Variants in CLIC2 observed in about 807,000 individuals in gnomAD.
CLIC2 encodes CLIC family member 2.
In CLIC2, 9 loss-of-function variants were observed where a neutral mutation model predicts 14.8. The observed-to-expected ratio is 0.61, with a 90% confidence interval of 0.37 to 1.06. CLIC2 has a LOEUF of 1.06. Ranked by LOEUF, CLIC2 falls within the 50% of genes least tolerant of loss-of-function variation. The pLI, the probability that CLIC2 is intolerant of heterozygous loss-of-function variation, is 0.01. For synonymous variants in CLIC2, 61 were observed against 66.3 expected, an observed-to-expected ratio of 0.92 and a Z score of 0.39; for missense variants, 148 against 181.4, an observed-to-expected ratio of 0.82 and a Z score of 1.06.
Position 155,334,523 on chromosome X carries a change from T to C in CLIC2, c.-96A>G. The C allele has an allele frequency of 2.7e-6, 2 of 754,606 alleles. No homozygotes were observed. The highest frequency in any genetic ancestry group is 4.2e-6 in the Non-Finnish European group (2 of 481,800). The allele number at this position is 754,606 out of a possible 1,213,427, so 62.2% of individuals were successfully genotyped here. A position where few individuals can be genotyped will look rare whatever the true frequency, so the allele number is the denominator to read the frequency against. On this transcript the variant is annotated 5_prime_UTR_variant, in exon 1 of 6. Coordinates refer to ENST00000369449, the MANE Select transcript of CLIC2 (RefSeq NM_001289.6). ...CAATTTTATCCAAAGACTCAAGTAA[T>C]GTTGGTGCTTTAAGAAGACCGTCTA...
intron 3 of CLIC2, among the ~76,000 whole-genome samples, chrX:155,296,824 C>A (rs2074993811): frequency 9.0e-6 from 1 of 110,881 alleles, no homozygotes; most frequent in African/African-American, 3.3e-5. Context: ...CAGACGTTGG[C>A]AAGGATGTGG....
chrX:155,279,411 T>G lies in CLIC2; in HGVS notation c.401-81A>C, dbSNP rs1462362115. 21 of 727,738 alleles carry G rather than the reference T, an allele frequency of 2.9e-5. 1 individual carries two copies. In the African/African-American group the frequency reaches 4.4e-4, roughly 15 times the overall value. 60.0% of individuals were successfully genotyped at this position (727,738 alleles called of 1,213,427 possible). A position where few individuals can be genotyped will look rare whatever the true frequency, so the allele number is the denominator to read the frequency against. On this transcript the variant is annotated intron_variant, in intron 4 of 5. Coordinates refer to ENST00000369449, the MANE Select transcript of CLIC2 (RefSeq NM_001289.6). ...CATTCTAAATATGCTTTCCACACAT[T>G]TAGACACCTCTATCTATACATACTA... is the stretch of plus-strand genomic sequence containing the variant.
chrX:155,305,299 G>A (rs962827034), intron 1 of CLIC2, among the ~76,000 whole-genome samples: 8 of 112,247 alleles, frequency 7.1e-5, no homozygotes, highest in African/African-American at 2.3e-4. Context: ...TAAGCCCGCC[G>A]GAAAAGCGCA....
chrX:155,304,769 C>T (rs1343401742), intron 1 of CLIC2, among the ~76,000 whole-genome samples: 3 of 76,168 alleles, frequency 3.9e-5, no homozygotes, highest in African/African-American at 1.1e-4. Flanking sequence ...GTGTGGATGT[C>T]ATTTCTGTTT....
intron 1 of CLIC2, among the ~76,000 whole-genome samples, chrX:155,327,976 A>G (rs1398347168): frequency 9.0e-6 from 1 of 111,033 alleles, no homozygotes; most frequent in Non-Finnish European, 1.9e-5. Context: ...ATGACAAAAA[A>G]CCCTCAAAAA....
chrX:155,292,768 T>TTA, intron 3 of CLIC2: 1 of 408,908 alleles, frequency 2.4e-6, no homozygotes, highest in Non-Finnish European at 4.1e-6. Flanking sequence ...AGACTCCGTC[T>TTA]CAAAACAAAC....
chrX:155,280,649 C>T (rs782524011), intron 3 of CLIC2, among the ~76,000 whole-genome samples: 3 of 110,435 alleles, frequency 2.7e-5, no homozygotes, highest in South Asian at 3.8e-4. Context: ...GCTGAGATTG[C>T]GCCATTGCAC....
chrX:155,290,985 A>AATG (rs1433272002), intron 3 of CLIC2: 23 of 709,684 alleles, frequency 3.2e-5, no homozygotes, highest in Admixed American at 6.7e-5. Context: ...ATATCCATGT[A>AATG]ATGATACATC....
rs1256717907 is a variant in CLIC2 at position 155,276,482 on chromosome X, A to G, written c.*1421T>C. The G allele has an allele frequency of 5.4e-5, 6 of 111,779 alleles. No individual in the cohort carries two copies. The highest frequency in any genetic ancestry group is 9.4e-5 in the Non-Finnish European group (5 of 53,078). The allele number at this position is 111,779 out of a possible 1,213,427, so 9.2% of individuals were successfully genotyped here. On this transcript the variant is annotated 3_prime_UTR_variant, in exon 6 of 6. Transcript: ENST00000369449. Reference sequence around the variant, plus strand: ...CCAAAATTTATTCTTCCTAGGTGTAACTTTATACCCATTGACCAACATCTT... The same window carrying G: ...CCAAAATTTATTCTTCCTAGGTGTAGCTTTATACCCATTGACCAACATCTT...
At chrX:155,310,470 T>C in intron 1 of CLIC2, 1 of 269,892 alleles carries the variant, frequency 3.7e-6, no homozygotes, top group Non-Finnish European at 7.4e-6. Flanking sequence ...GCATTTGCAT[T>C]TTTCTCACCT....
intron 3 of CLIC2, among the ~76,000 whole-genome samples, chrX:155,289,372 A>G (rs189800005): frequency 1.8e-5 from 2 of 111,786 alleles, no homozygotes; most frequent in African/African-American, 6.5e-5. Context: ...AAATCTCTCT[A>G]GGTTGTAACT....
chrX:155,285,857 C>A, intron 3 of CLIC2, among the ~76,000 whole-genome samples: 1 of 106,184 alleles, frequency 9.4e-6, no homozygotes, highest in African/African-American at 3.5e-5. Flanking sequence ...TTTTAAGGAG[C>A]GGAGAGTTTA....
intron 1 of CLIC2, among the ~76,000 whole-genome samples, chrX:155,327,839 G>T (rs1442967871): frequency 9.0e-6 from 1 of 111,415 alleles, no homozygotes; most frequent in Non-Finnish European, 1.9e-5. Context: ...TTCCAGTGAT[G>T]CAAGAATGGT....
At chrX:155,285,222 A>T (rs2074937393) in intron 3 of CLIC2, among the ~76,000 whole-genome samples, 1 of 112,649 alleles carries the variant, frequency 8.9e-6, no homozygotes, top group Non-Finnish European at 1.9e-5. Flanking sequence ...TGTAACAATA[A>T]AACGTAGAAA....
intron 3 of CLIC2, among the ~76,000 whole-genome samples, chrX:155,286,584 T>A (rs782226324): frequency 2.8e-4 from 32 of 112,570 alleles, no homozygotes; most frequent in Non-Finnish European, 5.4e-4. Context: ...TGCACTAGTT[T>A]ACACTCCCAC....
intron 1 of CLIC2, among the ~76,000 whole-genome samples, chrX:155,309,196 C>T (rs1365198140): frequency 3.6e-5 from 4 of 111,953 alleles, no homozygotes; most frequent in African/African-American, 6.5e-5. Context: ...GTCCCAGCTA[C>T]TCAGGAGACT....
chrX:155,310,343 A>T (rs1431106898), intron 1 of CLIC2: 2 of 181,119 alleles, frequency 1.1e-5, no homozygotes, highest in African/African-American at 6.2e-5. Flanking sequence ...GCCTGGAGAA[A>T]TAACCTATAG....
intron 1 of CLIC2, among the ~76,000 whole-genome samples, chrX:155,322,426 T>C (rs1324591463): frequency 9.0e-6 from 1 of 111,710 alleles, no homozygotes; most frequent in African/African-American, 3.3e-5. Flanking sequence ...CACAACTACA[T>C]GGAAACTGAA....
intron 3 of CLIC2, among the ~76,000 whole-genome samples, chrX:155,289,614 T>G (rs1281742854): frequency 8.9e-6 from 1 of 112,017 alleles, no homozygotes; most frequent in Non-Finnish European, 1.9e-5. Context: ...CATTTTTTAT[T>G]TCCTTTTGAA....
Sources: allele counts gnomAD v4.1 joint callset (sites outside exome capture counted in the v4.1 genomes callset), GRCh38; gene constraint gnomAD v4.1.1; transcripts MANE v1.5; gene names NCBI Gene and HGNC (gene_info 2026-07-23, HGNC 2026-07-21).